The following CACNA1C variants were observed in gnomAD, a reference collection of about 807,000 sequenced individuals.
The protein encoded by CACNA1C is voltage-dependent L-type calcium channel subunit alpha-1C.
A neutral mutation model predicts 229.0 loss-of-function variants in CACNA1C; 30 were observed. That is an observed-to-expected ratio of 0.13 (90% CI 0.10 to 0.18). The LOEUF is 0.18. Ranked by LOEUF, CACNA1C falls within the 10% of genes least tolerant of loss-of-function variation. CACNA1C has a pLI of 1.00. For missense variants in CACNA1C, 1,658 were observed against 2,845.0 expected, an observed-to-expected ratio of 0.58 and a Z score of 9.49; for synonymous variants, 1,114 against 1,132.5, an observed-to-expected ratio of 0.98 and a Z score of 0.33.
intron 3 of CACNA1C, among the ~76,000 whole-genome samples, chr12:2,288,490 C>A (rs2093033222): frequency 2.0e-5 from 3 of 152,184 alleles, no homozygotes; most frequent in African/African-American, 7.2e-5. Flanking sequence ...CCCCATTTTC[C>A]CTCTGAGTCA....
chr12:2,501,854 A>C (rs7976352), intron 7 of CACNA1C, among the ~76,000 whole-genome samples: 11,519 of 152,280 alleles, frequency 0.076, 506 homozygotes, highest in South Asian at 0.1. Flanking sequence ...CTCCTAACAG[A>C]TGCTCTTTTG....
At chr12:2,087,253 A>G (rs1271826435) in intron 1 of CACNA1C, among the ~76,000 whole-genome samples, 3 of 152,102 alleles carry the variant, frequency 2.0e-5, no homozygotes, top group Non-Finnish European at 2.9e-5. Context: ...CCTGCTTGCC[A>G]TTGCCAGATG....
intron 1 of CACNA1C, among the ~76,000 whole-genome samples, chr12:2,097,255 C>G (rs2074441002): frequency 6.6e-6 from 1 of 152,148 alleles, no homozygotes; most frequent in Non-Finnish European, 1.5e-5. Flanking sequence ...ACACCATTCT[C>G]CTGCCTCAGC....
intron 3 of CACNA1C, among the ~76,000 whole-genome samples, chr12:2,205,981 C>A (rs1466213565): frequency 1.3e-5 from 2 of 152,128 alleles, no homozygotes; most frequent in African/African-American, 4.8e-5. Flanking sequence ...GAAAGCCCCT[C>A]CCCCAATATC....
At chr12:2,641,882 C>G (rs1219811030) in intron 30 of CACNA1C, 1 of 664,098 alleles carries the variant, frequency 1.5e-6, no homozygotes, top group Non-Finnish European at 2.7e-6. Context: ...AGAGAGTTAG[C>G]AGAGCCACCC....
In CACNA1C at chr12:2,567,588, G is replaced by T. The variant is rs372908090; in HGVS notation, c.1689G>T (p.Leu563=). The part of the protein sequence containing the change: ...TEVQDTANKA[L]LALFTAEMLL... ...TGCCAGACACGGCAAACAAGGCCCT[G>T]CTGGCCCTGTTCACGGCAGAGATGC... The change falls in exon 13 of 47, where the codon CTG becomes CTT. Residue 563 remains leucine, a synonymous_variant. Coordinates refer to ENST00000399655, the MANE Select transcript of CACNA1C (RefSeq NM_000719.7). 2 of 1,593,066 alleles carry T rather than the reference G, an allele frequency of 1.3e-6. No individual in the cohort carries two copies. The highest frequency in any genetic ancestry group is 1.8e-5 in the Admixed American group (1 of 56,850).
At chr12:2,443,953 G>C (rs1350519833) in intron 3 of CACNA1C, among the ~76,000 whole-genome samples, 1 of 152,146 alleles carries the variant, frequency 6.6e-6, no homozygotes, top group Non-Finnish European at 1.5e-5. Flanking sequence ...GCAACATTTA[G>C]TCAGCACACG....
chr12:2,419,038 G>A (rs2098946629), intron 3 of CACNA1C, among the ~76,000 whole-genome samples: 2 of 152,214 alleles, frequency 1.3e-5, no homozygotes, highest in South Asian at 2.1e-4. Context: ...AGGATGGGGT[G>A]TTCATTTTAC....
rs565844818 is a variant in CACNA1C at position 2,171,122 on chromosome 12, G to A, written c.477+50692G>A. On this transcript the variant is annotated intron_variant, in intron 3 of 46. Transcript: ENST00000399655. ...ATCCCTGAATAGGTGAGGTGGACTCGGGTCTGGAAAGTTAATTTACATCTT... is the reference window on the plus strand; with the variant it reads ...ATCCCTGAATAGGTGAGGTGGACTCAGGTCTGGAAAGTTAATTTACATCTT... Among the ~76,000 whole-genome samples, 148 of 152,328 alleles carry A rather than the reference G, an allele frequency of 9.7e-4. 1 individual carries two copies. Among genetic ancestry groups the A allele is most frequent in the African/African-American group, 3.2e-3 (132 of 41,578 alleles).
chr12:2,292,308 C>A (rs1461480801), intron 3 of CACNA1C, among the ~76,000 whole-genome samples: 1 of 152,230 alleles, frequency 6.6e-6, no homozygotes, highest in Non-Finnish European at 1.5e-5. Context: ...AGGAAGCATG[C>A]ATGTGTTCAG....
chr12:2,021,635 A>G (rs570767907), intron 1 of CACNA1C, among the ~76,000 whole-genome samples: 1 of 151,902 alleles, frequency 6.6e-6, no homozygotes, highest in Non-Finnish European at 1.5e-5. Context: ...AGCTGAGATC[A>G]CACCATTGCA....
intron 3 of CACNA1C, among the ~76,000 whole-genome samples, chr12:2,187,036 A>G (rs562383907): frequency 6.8e-6 from 1 of 147,462 alleles, no homozygotes; most frequent in African/African-American, 2.7e-5. Context: ...TGCTGCCCCC[A>G]TCCCTCGGTG....
chr12:2,129,919 T>C (rs1320831937), intron 3 of CACNA1C, among the ~76,000 whole-genome samples: 1 of 152,178 alleles, frequency 6.6e-6, no homozygotes, highest in African/African-American at 2.4e-5. Context: ...TTAGAGTAAA[T>C]AGATCCTGAT....
Position 2,053,752 on chromosome 12 carries a change from T to A in CACNA1C, c.49+141T>A. 1.1e-6 allele frequency: 1 copy of A among 870,830 alleles called. No individual in the cohort carries two copies. Among genetic ancestry groups the A allele is most frequent in the Non-Finnish European group, 1.5e-6 (1 of 673,174 alleles). The allele number at this position is 870,830 out of a possible 1,614,324, so 53.9% of individuals were successfully genotyped here. Reference sequence around the variant, plus strand: ...GTCCGCGAGGGGCGCCTCCGCCTCGTCGGAGCGCCCGGGAGCCCGGCGGGA... The same window carrying A: ...GTCCGCGAGGGGCGCCTCCGCCTCGACGGAGCGCCCGGGAGCCCGGCGGGA... On this transcript the variant is annotated intron_variant, in intron 1 of 46. Transcript: ENST00000399655. This position sits in a 1 kb window ranked among gnomAD's most constrained non-coding sequence, Gnocchi z 5.8.
chr12:2,350,356 G>A (rs2097169346), intron 3 of CACNA1C, among the ~76,000 whole-genome samples: 1 of 152,218 alleles, frequency 6.6e-6, no homozygotes, highest in African/African-American at 2.4e-5. Context: ...TTAGGTAGGA[G>A]ACTGTGACTC....
Position 2,135,380 on chromosome 12 carries a change from G to A in CACNA1C, c.477+14950G>A, listed in dbSNP as rs1359858694. Reference sequence around the variant, plus strand: ...TGCGTTCCTTTGGAGGAGGAGAGGCGCTCTGATTTTTAGAGCTTCCAGTTT... The same window carrying A: ...TGCGTTCCTTTGGAGGAGGAGAGGCACTCTGATTTTTAGAGCTTCCAGTTT... On this transcript the variant is annotated intron_variant, in intron 3 of 46. Transcript: ENST00000399655. Among the ~76,000 whole-genome samples, 9 of 145,278 alleles carry A rather than the reference G, an allele frequency of 6.2e-5. No homozygotes were observed. In the East Asian group the frequency reaches 8.0e-4, roughly 13 times the overall value.
At chr12:2,572,870 CTCT>C (rs1196685032) in intron 13 of CACNA1C, among the ~76,000 whole-genome samples, 20 of 122,622 alleles carry the variant, frequency 1.6e-4, no homozygotes, top group Non-Finnish European at 2.6e-4. Context: ...CCTCCTCCTT[CTCT>C]TCTTCTTCTC....
chr12:2,417,904 T>TC (rs1332789737), intron 3 of CACNA1C, among the ~76,000 whole-genome samples: 1 of 151,676 alleles, frequency 6.6e-6, no homozygotes, highest in Non-Finnish European at 1.5e-5. Context: ...CAGACATTCT[T>TC]CTAGCTGCAT....
intron 1 of CACNA1C, among the ~76,000 whole-genome samples, chr12:2,095,343 G>A (rs926321508): frequency 5.3e-5 from 8 of 152,236 alleles, no homozygotes; most frequent in African/African-American, 1.9e-4. Flanking sequence ...ACAGAGATAG[G>A]GGGACAGAGT....
Sources: allele counts gnomAD v4.1 joint callset (sites outside exome capture counted in the v4.1 genomes callset), GRCh38; gene constraint gnomAD v4.1.1; non-coding constraint Gnocchi (gnomAD v3.1); transcripts MANE v1.5; gene names NCBI Gene and HGNC (gene_info 2026-07-23, HGNC 2026-07-21).